The following NHSL3 variants were observed in gnomAD, a reference collection of about 807,000 sequenced individuals.
NHSL3 encodes NHS-like protein 3.
the NHSL3 span, among the ~76,000 whole-genome samples, chr1:32,760,953 C>T: frequency 6.6e-6 from 1 of 152,158 alleles, no homozygotes; most frequent in South Asian, 2.1e-4. Flanking sequence ...TGCCTGCTGC[C>T]TGAGTCTCTG....
chr1:32,742,106 C>G, the NHSL3 span: 1 of 1,249,798 alleles, frequency 8.0e-7, no homozygotes, highest in East Asian at 3.2e-5. Context: ...AAGAAGGCGG[C>G]GGGGGCCGAG....
At chr1:32,747,791 C>T in the NHSL3 span, among the ~76,000 whole-genome samples, 4 of 151,884 alleles carry the variant, frequency 2.6e-5, no homozygotes, top group East Asian at 1.9e-4. Context: ...GGTGAAACCC[C>T]GTCTCTACTA....
chr1:32,767,837 G>A, the NHSL3 span: 1 of 1,613,688 alleles, frequency 6.2e-7, no homozygotes, highest in Non-Finnish European at 8.5e-7. Flanking sequence ...GCCTGGCCAG[G>A]GGCCAGGGTC....
At chr1:32,767,376 TTG>T in the NHSL3 span, among the ~76,000 whole-genome samples, 2 of 151,962 alleles carry the variant, frequency 1.3e-5, no homozygotes, top group Admixed American at 6.6e-5. Context: ...ACTGTGGGTG[TTG>T]TGTGTTTACG....
chr1:32,771,412 A>G, the NHSL3 span: 15 of 1,348,090 alleles, frequency 1.1e-5, no homozygotes, highest in East Asian at 5.7e-4. Context: ...ACCACCCACT[A>G]AGAAGCCAGA....
the NHSL3 span, chr1:32,771,227 C>T: frequency 1.2e-6 from 2 of 1,613,040 alleles, no homozygotes; most frequent in East Asian, 4.5e-5. Flanking sequence ...CCTAACCCAG[C>T]TGCCCCTGCT....
At chr1:32,763,738 A>C in the NHSL3 span, among the ~76,000 whole-genome samples, 2 of 151,750 alleles carry the variant, frequency 1.3e-5, no homozygotes, top group East Asian at 3.9e-4. Flanking sequence ...CGCCCGGCTA[A>C]TTTTTTTGTA....
the NHSL3 span, among the ~76,000 whole-genome samples, chr1:32,761,997 T>C: frequency 6.6e-6 from 1 of 152,200 alleles, no homozygotes; most frequent in African/African-American, 2.4e-5. Context: ...AATACTGCTT[T>C]GCCATTTACA....
At chr1:32,773,034 T>C in the NHSL3 span, 9 of 740,694 alleles carry the variant, frequency 1.2e-5, no homozygotes, top group East Asian at 1.1e-4. Flanking sequence ...TCGATACTTA[T>C]GCAAGCCTGG....
the NHSL3 span, chr1:32,773,645 G>A: frequency 7.2e-5 from 11 of 152,972 alleles, no homozygotes; most frequent in African/African-American, 2.6e-4. Flanking sequence ...AGAAATGGGT[G>A]AGCAGTAGAG....
the NHSL3 span, chr1:32,765,958 A>G: frequency 2.3e-6 from 2 of 855,862 alleles, no homozygotes; most frequent in East Asian, 2.7e-5. Flanking sequence ...ATGAGGCCAG[A>G]ATCTCCCATC....
At chr1:32,772,919 A>G in the NHSL3 span, 2 of 1,611,840 alleles carry the variant, frequency 1.2e-6, no homozygotes, top group Non-Finnish European at 1.7e-6. Context: ...CTGCTGACCC[A>G]TCCCAGAAAC....
chr1:32,768,149 T>C, the NHSL3 span: 1 of 1,404,248 alleles, frequency 7.1e-7, no homozygotes, highest in Non-Finnish European at 1.0e-6. Context: ...GTCCTGACTC[T>C]TCTCTACCTG....
At chr1:32,758,353 G>A in the NHSL3 span, among the ~76,000 whole-genome samples, 1 of 152,122 alleles carries the variant, frequency 6.6e-6, no homozygotes, top group African/African-American at 2.4e-5. Context: ...CACATGGGGA[G>A]ACTGAGGGAA....
chr1:32,771,811 CT>C, the NHSL3 span: 4 of 1,612,622 alleles, frequency 2.5e-6, no homozygotes, highest in Non-Finnish European at 2.5e-6. Flanking sequence ...AGGTGCGCCC[CT>C]GGTCACGCCC....
At chr1:32,772,064 C>T in the NHSL3 span, 2 of 1,610,844 alleles carry the variant, frequency 1.2e-6, no homozygotes. Context: ...GAGCCACGGC[C>T]TCCCCAGTCC....
At chr1:32,761,402 A>G in the NHSL3 span, among the ~76,000 whole-genome samples, 1 of 152,126 alleles carries the variant, frequency 6.6e-6, no homozygotes, top group African/African-American at 2.4e-5. Flanking sequence ...TATCAAGTGT[A>G]AGCCCTTGGA....
chr1:32,742,012 G>C, the NHSL3 span: 1 of 1,228,746 alleles, frequency 8.1e-7, no homozygotes, highest in South Asian at 3.6e-5. Flanking sequence ...GAACCCGGGC[G>C]GCCCCCCGCG....
chr1:32,770,031 T>TGGCGCTGAGACAGAGGCC, the NHSL3 span: 1 of 1,588,256 alleles, frequency 6.3e-7, no homozygotes, highest in Non-Finnish European at 8.6e-7. The surrounding 1 kb of genome is among the most constrained non-coding windows in gnomAD (Gnocchi z 8.3). Context: ...AGGCGGAGGC[T>TGGCGCTGAGACAGAGGCC]GGCGCTGAGA....
Sources: gnomAD v4.1 joint callset for allele counts (sites outside exome capture counted in the v4.1 genomes callset) on GRCh38, gnomAD v4.1.1 for gene constraint, Gnocchi (gnomAD v3.1) non-coding constraint, MANE v1.5 for transcripts, NCBI Gene and HGNC (gene_info 2026-07-23, HGNC 2026-07-21) for gene names.